Variants in FER observed in about 807,000 individuals in gnomAD.
FER encodes FER tyrosine kinase.
A neutral mutation model predicts 111.0 loss-of-function variants in FER; 63 were observed. The observed-to-expected ratio is 0.57, with a 90% confidence interval of 0.46 to 0.70. The LOEUF is 0.70. FER is among the 30% of genes least tolerant of loss of function. The probability of loss-of-function intolerance (pLI) is 0.00; values close to 1 mark genes in which losing one functional copy is unlikely to be tolerated. For synonymous variants in FER, 327 were observed against 313.9 expected, an observed-to-expected ratio of 1.04 and a Z score of -0.44; for missense variants, 914 against 954.0, an observed-to-expected ratio of 0.96 and a Z score of 0.55.
chr5:108,814,844 G>A (rs1348623042), intron 3 of FER, among the ~76,000 whole-genome samples: 4 of 151,980 alleles, frequency 2.6e-5, no homozygotes, highest in East Asian at 3.9e-4. Context: ...TAATCCTGAG[G>A]GCATGTTTCT....
intron 13 of FER, among the ~76,000 whole-genome samples, chr5:109,029,227 T>A (rs1053553479): frequency 6.7e-6 from 1 of 150,262 alleles, no homozygotes; most frequent in African/African-American, 2.4e-5. Flanking sequence ...TTTCTTTTTT[T>A]TTTTTTTTTC....
intron 13 of FER, among the ~76,000 whole-genome samples, chr5:108,983,189 A>G (rs114011429): frequency 0.01 from 1,581 of 152,182 alleles, 34 homozygotes; most frequent in African/African-American, 0.036. Context: ...AATTTTGGAC[A>G]TAATTGAGCA....
intron 5 of FER, among the ~76,000 whole-genome samples, chr5:108,838,592 C>T (rs1760912347): frequency 6.6e-6 from 1 of 152,116 alleles, no homozygotes; most frequent in African/African-American, 2.4e-5. Flanking sequence ...GCTGAAACTA[C>T]AAACCCCTGA....
At chr5:109,013,321 C>T (rs961285012) in intron 13 of FER, among the ~76,000 whole-genome samples, 26 of 147,798 alleles carry the variant, frequency 1.8e-4, no homozygotes, top group African/African-American at 5.5e-4. Flanking sequence ...TGAGTGAGAA[C>T]TTGCGGTGTT....
At chr5:109,069,417 A>T (rs1006693235) in intron 16 of FER, among the ~76,000 whole-genome samples, 4 of 152,184 alleles carry the variant, frequency 2.6e-5, no homozygotes, top group African/African-American at 9.6e-5. Flanking sequence ...TAGAGAGTTT[A>T]AAAACTGTCA....
chr5:108,785,231 G>A (rs1580510527), intron 2 of FER: 1 of 597,496 alleles, frequency 1.7e-6, no homozygotes, highest in East Asian at 3.8e-5. Flanking sequence ...CTGTGCATCT[G>A]GAGGCAAGGA....
intron 13 of FER, among the ~76,000 whole-genome samples, chr5:109,016,328 G>A (rs964266634): frequency 2.6e-5 from 4 of 151,994 alleles, no homozygotes; most frequent in African/African-American, 9.7e-5. Context: ...AATACTGGAG[G>A]ATTAGTTTCT....
At chr5:108,889,862 C>T (rs911310475) in intron 9 of FER, among the ~76,000 whole-genome samples, 10 of 151,732 alleles carry the variant, frequency 6.6e-5, no homozygotes, top group East Asian at 1.9e-4. Context: ...GATGTAGCAG[C>T]GGTGATACAT....
At chr5:109,043,678 A>G (rs1419516772) in intron 14 of FER, among the ~76,000 whole-genome samples, 1 of 152,148 alleles carries the variant, frequency 6.6e-6, no homozygotes, top group Non-Finnish European at 1.5e-5. Context: ...GTTTATTATA[A>G]AATGTTTGCA....
chr5:109,092,809 T>C (rs1746991132), intron 16 of FER, among the ~76,000 whole-genome samples: 1 of 152,216 alleles, frequency 6.6e-6, no homozygotes, highest in Non-Finnish European at 1.5e-5. Context: ...CGGTTACACT[T>C]GTGTTCATTT....
At chr5:109,069,280 A>G (rs1775492163) in intron 16 of FER, among the ~76,000 whole-genome samples, 1 of 152,198 alleles carries the variant, frequency 6.6e-6, no homozygotes, top group Non-Finnish European at 1.5e-5. Flanking sequence ...CTTATTTGTA[A>G]TAGGCAAGAG....
Position 109,137,174 on chromosome 5 carries a change from T to A in FER, c.2048+36655T>A, listed in dbSNP as rs200915024. 3.3e-5 allele frequency among the ~76,000 whole-genome samples: 5 copies of A among 152,282 alleles called. No individual in the cohort carries two copies. The East Asian group carries it at 9.7e-4, about 29-fold the overall frequency. On this transcript the variant is annotated intron_variant, in intron 17 of 19. Coordinates refer to ENST00000281092, the MANE Select transcript of FER (RefSeq NM_005246.4). ...AGGAAAGGGGGAGATGAAGGAAACA[T>A]CCAACCTAGGGTAAGTCATGAAAGG... is the stretch of plus-strand genomic sequence containing the variant.
chr5:109,134,309 A>C (rs906949743), intron 17 of FER, among the ~76,000 whole-genome samples: 2 of 152,180 alleles, frequency 1.3e-5, no homozygotes, highest in African/African-American at 4.8e-5. Context: ...TCAATGTTAG[A>C]GTTTTATATA....
chr5:108,916,796 A>G (rs771111355), intron 10 of FER, among the ~76,000 whole-genome samples: 24 of 152,160 alleles, frequency 1.6e-4, no homozygotes, highest in Non-Finnish European at 2.9e-4. Flanking sequence ...TCAAATAATC[A>G]TGAAAACTCT....
intron 9 of FER, among the ~76,000 whole-genome samples, chr5:108,892,887 G>A (rs955609578): frequency 2.0e-5 from 3 of 152,086 alleles, no homozygotes; most frequent in Admixed American, 2.0e-4. Context: ...TCTACATATG[G>A]CTAGCCAGTT....
chr5:108,890,722 G>C (rs1246819304), intron 9 of FER, among the ~76,000 whole-genome samples: 2 of 152,012 alleles, frequency 1.3e-5, no homozygotes. Flanking sequence ...ATTAGGACTT[G>C]AGCATATCTT....
intron 6 of FER, among the ~76,000 whole-genome samples, chr5:108,868,424 T>C (rs1481903900): frequency 2.0e-5 from 3 of 152,116 alleles, no homozygotes; most frequent in African/African-American, 7.2e-5. Flanking sequence ...GATATAGAGA[T>C]GAGCAGGGCA....
chr5:108,942,869 A>G (rs73209350), intron 10 of FER, among the ~76,000 whole-genome samples: 2,626 of 152,080 alleles, frequency 0.017, 72 homozygotes, highest in African/African-American at 0.059. Flanking sequence ...CCCCTAAGAT[A>G]TTTGGCACTC....
At position 108,803,316 on chromosome 5, in the gene FER, A is replaced by G. The variant is rs113869436; in HGVS notation, c.207+4927A>G. Reference sequence around the variant, plus strand: ...CTCTGTTGGTAGTTACTTTTGTTGTATAGAAGCTCTTTAGTTTGATTAAGT... The same window carrying G: ...CTCTGTTGGTAGTTACTTTTGTTGTGTAGAAGCTCTTTAGTTTGATTAAGT... On this transcript the variant is annotated intron_variant, in intron 3 of 19. Transcript: ENST00000281092. Among the ~76,000 whole-genome samples the G allele has an allele frequency of 6.8e-3, 1,027 of 152,126 alleles. 10 individuals carry two copies. The highest frequency in any genetic ancestry group is 0.011 in the Non-Finnish European group (719 of 67,954).
Sources: gnomAD v4.1 joint callset for allele counts (sites outside exome capture counted in the v4.1 genomes callset) on GRCh38, gnomAD v4.1.1 for gene constraint, MANE v1.5 for transcripts, NCBI Gene and HGNC (gene_info 2026-07-23, HGNC 2026-07-21) for gene names.